The following NKAIN3 variants were observed in gnomAD, a reference collection of about 807,000 sequenced individuals.
The protein encoded by NKAIN3 is sodium/potassium-transporting ATPase subunit beta-1-interacting protein 3.
In NKAIN3, 25 loss-of-function variants were observed where a neutral mutation model predicts 30.2. The ratio of observed to expected loss-of-function variants is 0.83; its 90% confidence interval spans 0.60 to 1.16. The LOEUF is 1.16. Ranked by LOEUF, NKAIN3 falls within the 50% of genes most tolerant of loss-of-function variation. The pLI is 0.00. For missense variants in NKAIN3, 225 were observed against 254.1 expected, an observed-to-expected ratio of 0.89 and a Z score of 0.78; for synonymous variants, 91 against 89.6, an observed-to-expected ratio of 1.02 and a Z score of -0.09.
intron 3 of NKAIN3, among the ~76,000 whole-genome samples, chr8:62,595,004 G>A (rs949688280): frequency 7.2e-5 from 11 of 151,870 alleles, no homozygotes; most frequent in Admixed American, 6.6e-5. Flanking sequence ...GACCACTGCC[G>A]TGAATATTTT....
At chr8:62,846,508 GTA>G (rs1294082878) in intron 4 of NKAIN3, among the ~76,000 whole-genome samples, 1 of 151,950 alleles carries the variant, frequency 6.6e-6, no homozygotes, top group African/African-American at 2.4e-5. Flanking sequence ...CAGGTCCCAT[GTA>G]TGTTATTCTG....
chr8:62,352,498 GCA>G (rs1489144289), intron 1 of NKAIN3, among the ~76,000 whole-genome samples: 2 of 152,122 alleles, frequency 1.3e-5, no homozygotes, highest in African/African-American at 4.8e-5. Context: ...ATAAAAACAT[GCA>G]CAGACAAGAA....
At chr8:62,944,700 A>G (rs1738886660) in intron 5 of NKAIN3, among the ~76,000 whole-genome samples, 1 of 152,214 alleles carries the variant, frequency 6.6e-6, no homozygotes, top group Non-Finnish European at 1.5e-5. Context: ...TGGGAATATA[A>G]TTTCAATTAT....
chr8:62,919,002 AT>A (rs1303753804), intron 5 of NKAIN3, among the ~76,000 whole-genome samples: 1 of 151,140 alleles, frequency 6.6e-6, no homozygotes, highest in Non-Finnish European at 1.5e-5. Context: ...AAAAAAAAAA[AT>A]TTACGAGGTG....
At chr8:62,804,453 C>T (rs200474142) in intron 4 of NKAIN3, among the ~76,000 whole-genome samples, 16 of 152,164 alleles carry the variant, frequency 1.1e-4, no homozygotes, top group East Asian at 1.9e-4. Context: ...TTATCCACCA[C>T]GATCAAGTGG....
chr8:62,920,824 G>C (rs1296488141), intron 5 of NKAIN3, among the ~76,000 whole-genome samples: 1 of 152,212 alleles, frequency 6.6e-6, no homozygotes, highest in Non-Finnish European at 1.5e-5. Context: ...TCAAAGCAAA[G>C]TATATATGCC....
intron 1 of NKAIN3, among the ~76,000 whole-genome samples, chr8:62,433,417 TCA>T (rs1805076907): frequency 6.6e-6 from 1 of 152,108 alleles, no homozygotes; most frequent in Non-Finnish European, 1.5e-5. Context: ...ATCTCAAGTA[TCA>T]GTTTCTTAAA....
At chr8:62,658,890 T>G (rs1372541677) in intron 3 of NKAIN3, among the ~76,000 whole-genome samples, 2 of 152,108 alleles carry the variant, frequency 1.3e-5, no homozygotes, top group African/African-American at 2.4e-5. Flanking sequence ...ATATTTACAC[T>G]GGAGTGTATA....
intron 1 of NKAIN3, among the ~76,000 whole-genome samples, chr8:62,371,842 G>T (rs978420573): frequency 2.0e-5 from 3 of 151,892 alleles, no homozygotes; most frequent in African/African-American, 7.2e-5. Flanking sequence ...CAGTGAGAAT[G>T]CTAAGGAAGT....
intron 1 of NKAIN3, among the ~76,000 whole-genome samples, chr8:62,279,727 G>A (rs1813104404): frequency 2.0e-5 from 3 of 152,066 alleles, no homozygotes; most frequent in Admixed American, 2.0e-4. Flanking sequence ...TGTTCCATTG[G>A]TCTATATCTC....
At chr8:62,314,907 T>A (rs990901064) in intron 1 of NKAIN3, among the ~76,000 whole-genome samples, 1 of 152,114 alleles carries the variant, frequency 6.6e-6, no homozygotes, top group Non-Finnish European at 1.5e-5. Context: ...AAAAACTGAT[T>A]CAGGAGTTTA....
intron 5 of NKAIN3, among the ~76,000 whole-genome samples, chr8:62,945,702 C>T (rs1161099796): frequency 6.6e-6 from 1 of 152,156 alleles, no homozygotes; most frequent in Non-Finnish European, 1.5e-5. Flanking sequence ...TTGGGGCACA[C>T]CTTCTCCAGT....
intron 5 of NKAIN3, chr8:62,990,138 T>A: frequency 9.6e-7 from 1 of 1,037,192 alleles, no homozygotes; most frequent in Non-Finnish European, 1.4e-6. Flanking sequence ...ATGTTGATAT[T>A]TTAAAAATCA....
intron 1 of NKAIN3, among the ~76,000 whole-genome samples, chr8:62,307,366 C>T (rs573800019): frequency 6.7e-6 from 1 of 149,430 alleles, no homozygotes; most frequent in South Asian, 2.1e-4. Flanking sequence ...TCTCTCCCTC[C>T]TCTCTCTCTC....
At chr8:62,356,129 G>T (rs1816347497) in intron 1 of NKAIN3, among the ~76,000 whole-genome samples, 1 of 152,132 alleles carries the variant, frequency 6.6e-6, no homozygotes, top group Non-Finnish European at 1.5e-5. Context: ...ACTAGAATTA[G>T]CTTAGGGCAT....
At chr8:62,936,382 C>T (rs1199713834) in intron 5 of NKAIN3, among the ~76,000 whole-genome samples, 5 of 152,092 alleles carry the variant, frequency 3.3e-5, no homozygotes, top group South Asian at 2.1e-4. Flanking sequence ...GTCAGCACTC[C>T]GCATGTGAAT....
At chr8:62,796,789 T>TACACACACACACACACACACACAC (rs144656283) in intron 4 of NKAIN3, among the ~76,000 whole-genome samples, 51 of 146,158 alleles carry the variant, frequency 3.5e-4, no homozygotes, top group Non-Finnish European at 6.5e-4. Flanking sequence ...GTATCACACA[T>TACACACACACACACACACACACAC]ACACACACAC....
intron 1 of NKAIN3, among the ~76,000 whole-genome samples, chr8:62,361,165 G>T (rs1021196290): frequency 4.6e-5 from 7 of 152,110 alleles, no homozygotes; most frequent in Non-Finnish European, 8.8e-5. Flanking sequence ...TCTGTGACTT[G>T]TGTTTGTTTA....
At chr8:62,279,754 C>A (rs1462395760) in intron 1 of NKAIN3, among the ~76,000 whole-genome samples, 1 of 152,166 alleles carries the variant, frequency 6.6e-6, no homozygotes, top group African/African-American at 2.4e-5. Flanking sequence ...GGTACCAGTA[C>A]CATGCTGTTT....
Sources: gnomAD v4.1 joint callset for allele counts (sites outside exome capture counted in the v4.1 genomes callset) on GRCh38, gnomAD v4.1.1 for gene constraint, MANE v1.5 for transcripts, NCBI Gene and HGNC (gene_info 2026-07-23, HGNC 2026-07-21) for gene names.